The following PROM2 variants were observed in gnomAD, a reference collection of about 807,000 sequenced individuals.
The protein encoded by PROM2 is prominin 2.
A neutral mutation model predicts 110.2 loss-of-function variants in PROM2; 90 were observed. That is an observed-to-expected ratio of 0.82 (90% CI 0.69 to 0.97). The LOEUF (loss-of-function observed/expected upper bound fraction) is 0.97, where lower values mean the gene tolerates loss of function less well. Among genes scored for constraint, PROM2 ranks in the 50% least tolerant of loss-of-function variants. The pLI is 0.00. For synonymous variants in PROM2, 470 were observed against 467.8 expected (o/e 1.00, Z -0.06); for missense variants, 1,009 against 1,074.8 (o/e 0.94, Z 0.86).
chr2:95,287,257 T>G, intron 19 of PROM2, 44 bp downstream of exon 19: 1 of 1,598,330 alleles, frequency 6.3e-7, no homozygotes, highest in Non-Finnish European at 8.6e-7. Flanking sequence ...ACCCCAGGCT[T>G]CTCCAGTCCC....
chr2:95,285,827 G>T (rs1677325111), intron 16 of PROM2, 117 bp downstream of exon 16: 2 of 951,866 alleles, frequency 2.1e-6, no homozygotes, highest in Non-Finnish European at 3.2e-6. Context: ...CACCAGTGAG[G>T]CCTGAGGCTC....
chr2:95,289,043 A>G, intron 23 of PROM2, 37 bp downstream of exon 23: 2 of 866,022 alleles, frequency 2.3e-6, no homozygotes, highest in Middle Eastern at 2.5e-4. Flanking sequence ...GCTCCCTGCC[A>G]GGGATTAAGG....
In PROM2 at chr2:95,290,310, C is replaced by A. The variant is rs1677623757; in HGVS notation, c.*1097C>A. On this transcript the variant is annotated 3_prime_UTR_variant, in exon 24 of 24. Coordinates refer to ENST00000317620, the MANE Select transcript of PROM2 (RefSeq NM_001165978.3). ...CCTCAGATCCATTAAAGTGTTCTCACTTCCCTGAGACTTGGTTCTGGGTCC... is the reference window on the plus strand; with the variant it reads ...CCTCAGATCCATTAAAGTGTTCTCAATTCCCTGAGACTTGGTTCTGGGTCC... 6.6e-6 allele frequency: 1 copy of A among 152,282 alleles called. No individual in the cohort carries two copies. The highest frequency in any genetic ancestry group is 2.4e-5 in the African/African-American group (1 of 41,464). The allele number at this position is 152,282 out of a possible 1,614,324, so 9.4% of individuals were successfully genotyped here. A position where few individuals can be genotyped will look rare whatever the true frequency, so the allele number is the denominator to read the frequency against.
chr2:95,276,366 C>T lies in PROM2; in HGVS notation c.618+19C>T. 1.2e-6 allele frequency: 2 copies of T among 1,611,506 alleles called. No individual in the cohort carries two copies. The highest frequency in any genetic ancestry group is 1.7e-6 in the Non-Finnish European group (2 of 1,178,884). On this transcript the variant is annotated intron_variant, in intron 4 of 23. Transcript: ENST00000317620. This position sits in a 1 kb window ranked among gnomAD's most constrained non-coding sequence, Gnocchi z 4.6. ...CCCCCAAGTGAGCACTGTTACCCCT[C>T]ACCCTCATGTGCCCCTGTGAGCACT...
At chr2:95,284,863 A>C in intron 14 of PROM2, 106 bp from the exon 15 acceptor site, 3 of 1,288,340 alleles carry the variant, frequency 2.3e-6, no homozygotes, top group Non-Finnish European at 3.1e-6. Flanking sequence ...TGGAGGGGAC[A>C]AATATCCAAA....
intron 9 of PROM2, 82 bp downstream of exon 9, chr2:95,278,866 T>A: frequency 6.2e-7 from 1 of 1,606,930 alleles, no homozygotes. Context: ...GAGAGAGGAC[T>A]GGGGTGGCGG....
Position 95,279,887 on chromosome 2 carries a change from G to C in PROM2, c.1317G>C (p.Val439=). Residue 439 remains valine (V), a synonymous_variant, in exon 11 of 24, where the codon GTG becomes GTC. Transcript: ENST00000317620. ...TGCTGTGCTCCGTGGTCCTATTCGT[G>C]GTGCTCTGCAACCTGCTGGGCCTCA... is the stretch of plus-strand genomic sequence containing the variant. ...GCVLCSVVLF[V]VLCNLLGLNL... 2 of 1,552,410 alleles carry C rather than the reference G, an allele frequency of 1.3e-6. No individual in the cohort carries two copies. Among genetic ancestry groups the C allele is most frequent in the South Asian group, 2.4e-5 (2 of 82,838 alleles).
Position 95,287,176 on chromosome 2 carries a change from G to C in PROM2, c.2138G>C (p.Gly713Ala), listed in dbSNP as rs1292550909. ...DVLANVTYLK[G>A]ELPAWAARIL... Reference sequence around the variant, plus strand: ...CTAGCCAATGTCACCTACCTGAAAGGAGAGCTGCCTGCCTGGGCAGCCAGG... The same window carrying C: ...CTAGCCAATGTCACCTACCTGAAAGCAGAGCTGCCTGCCTGGGCAGCCAGG... Residue 713 changes from glycine (G) to alanine (A), a missense_variant, in exon 19 of 24, where the codon GGA becomes GCA. Transcript: ENST00000317620. 1 of 1,613,894 alleles carries C rather than the reference G, an allele frequency of 6.2e-7. No individual in the cohort carries two copies. Among genetic ancestry groups the C allele is most frequent in the Non-Finnish European group, 8.5e-7 (1 of 1,180,018 alleles).
chr2:95,288,412 C>G (rs761641190), intron 21 of PROM2, 71 bp from the exon 22 acceptor site: 4 of 1,587,270 alleles, frequency 2.5e-6, no homozygotes, highest in Non-Finnish European at 3.5e-6. Context: ...TGCCCCGGCT[C>G]TGATGACAAG....
chr2:95,276,168 G>T lies in PROM2; in HGVS notation c.497+36G>T. ...GCCCAGGGCCCGGGTAGGGCGGGCT[G>T]TGGCCCCCAGGCTCCCTCTTACCCA... On this transcript the variant is annotated intron_variant, in intron 3 of 23. Transcript: ENST00000317620. This position sits in a 1 kb window ranked among gnomAD's most constrained non-coding sequence, Gnocchi z 4.6. 1 of 1,612,214 alleles carries T rather than the reference G, an allele frequency of 6.2e-7. No homozygotes were observed. The highest frequency in any genetic ancestry group is 8.5e-7 in the Non-Finnish European group (1 of 1,178,912).
In PROM2 at chr2:95,275,971, C is replaced by T. The variant is rs544194496; in HGVS notation, c.336C>T (p.Ile112=). ...CGGGCTACGTGGTATGCGCTGTGAT[C>T]GCGGGCCTCTACCTGCTGCTGGTGC... ...YEAGYVVCAV[I]AGLYLLLVPT... Residue 112 remains isoleucine, a synonymous_variant, in exon 3 of 24, where the codon ATC becomes ATT. Coordinates refer to ENST00000317620, the MANE Select transcript of PROM2 (RefSeq NM_001165978.3). The surrounding 1 kb of genome is among the most constrained non-coding windows in gnomAD (Gnocchi z 4.4). The T allele has an allele frequency of 2.9e-5, 46 of 1,612,332 alleles. No individual in the cohort carries two copies. Among genetic ancestry groups the T allele is most frequent in the Admixed American group, 1.0e-4 (6 of 59,972 alleles).
At chr2:95,288,382 G>A (rs1009481905) in intron 21 of PROM2, 82 bp downstream of exon 21, 12 of 1,587,598 alleles carry the variant, frequency 7.6e-6, no homozygotes, top group Admixed American at 1.7e-5. Flanking sequence ...TGAGCAGGGT[G>A]TGAAGCCAGG....
In PROM2 at chr2:95,276,268, A is replaced by G. The variant is rs760700739; in HGVS notation, c.539A>G (p.His180Arg). The G allele has an allele frequency of 1.1e-5, 18 of 1,613,896 alleles. No individual in the cohort carries two copies. The highest frequency in any genetic ancestry group is 2.2e-5 in the South Asian group (2 of 91,086). Residue 180 changes from histidine (H) to arginine (R), a missense_variant, in exon 4 of 24, where the codon CAT becomes CGT. Coordinates refer to ENST00000317620, the MANE Select transcript of PROM2 (RefSeq NM_001165978.3). This position sits in a 1 kb window ranked among gnomAD's most constrained non-coding sequence, Gnocchi z 4.6. ...GCCTTTGTCACCAACCAGCGCACGC[A>G]TGAACAGATGGGCCCCAGCATCGAG... ...VCAFVTNQRT[H>R]EQMGPSIEAM...
At chr2:95,278,282 G>A in intron 8 of PROM2, 1 of 560,278 alleles carries the variant, frequency 1.8e-6, no homozygotes, top group Non-Finnish European at 3.2e-6. Flanking sequence ...GGGTGGAGAT[G>A]GGCCAAGGGG....
In PROM2 at chr2:95,276,605, C is replaced by T. The variant is rs182782637; in HGVS notation, c.630C>T (p.Ala210=). ...TTGTGTTTGCCTAGGAGCTGCAGGCCGTGGCACAGCAATTCTCCCTGCCCC... is the reference window on the plus strand; with the variant it reads ...TTGTGTTTGCCTAGGAGCTGCAGGCTGTGGCACAGCAATTCTCCCTGCCCC... ...LVSDVPQELQ[A]VAQQFSLPQE... The change falls in exon 5 of 24, where the codon GCC becomes GCT. Residue 210 remains alanine, a synonymous_variant. Coordinates refer to ENST00000317620, the MANE Select transcript of PROM2 (RefSeq NM_001165978.3). The surrounding 1 kb of genome is among the most constrained non-coding windows in gnomAD (Gnocchi z 4.6). The T allele has an allele frequency of 6.9e-5, 112 of 1,613,680 alleles. 1 individual carries two copies. In the East Asian group the frequency reaches 1.1e-3, roughly 16 times the overall value.
At position 95,274,719 on chromosome 2, in the gene PROM2, C is replaced by T. The variant is rs546884538; in HGVS notation, c.134C>T (p.Ala45Val). The T allele has an allele frequency of 6.7e-5, 108 of 1,612,532 alleles. No homozygotes were observed. In the East Asian group the frequency reaches 2.0e-3, roughly 30 times the overall value. Residue 45 changes from alanine (A) to valine (V), a missense_variant, in exon 1 of 24, where the codon GCC becomes GTC. Ala to Val is a moderately conservative substitution (Grantham distance 64). Transcript: ENST00000317620. Reference protein sequence around the residue: ...PAEHLTFTPAARARWLAPRVR... With the variant: ...PAEHLTFTPAVRARWLAPRVR... ...GAGCACCTGACATTCACCCCAGCAG[C>T]CAGGGCCCGGTGGCTGGCCCCTCGA...
In PROM2 at chr2:95,278,034, CCCTCA is replaced by C. The variant is rs775347799; in HGVS notation, c.1050+34_1050+38del. On this transcript the variant is annotated intron_variant, in intron 8 of 23. Coordinates refer to ENST00000317620, the MANE Select transcript of PROM2 (RefSeq NM_001165978.3). ...GAGCCACCTGGTCTGCCTGATTTCTCCCTCACCTGCCAAGTGAGGGCCTCTGTTTC... is the reference window on the plus strand; with the variant it reads ...GAGCCACCTGGTCTGCCTGATTTCTCCCTGCCAAGTGAGGGCCTCTGTTTC... 5 of 1,578,690 alleles carry C rather than the reference CCCTCA, an allele frequency of 3.2e-6. No homozygotes were observed. The Admixed American group carries it at 8.4e-5, about 27-fold the overall frequency.
intron 23 of PROM2, 93 bp downstream of exon 23, chr2:95,289,099 G>C: frequency 1.8e-6 from 2 of 1,082,886 alleles, no homozygotes; most frequent in South Asian, 2.6e-5. Context: ...CAGGGCCTAG[G>C]AGGGCAGGAA....
At chr2:95,278,055 C>A in intron 8 of PROM2, 51 bp downstream of exon 8, 1 of 1,448,624 alleles carries the variant, frequency 6.9e-7, no homozygotes, top group Non-Finnish European at 9.6e-7. Context: ...CAAGTGAGGG[C>A]CTCTGTTTCC....
Sources: allele counts gnomAD v4.1 joint callset, GRCh38; gene constraint gnomAD v4.1.1; non-coding constraint Gnocchi (gnomAD v3.1); transcripts MANE v1.5; gene names NCBI Gene and HGNC (gene_info 2026-07-23, HGNC 2026-07-21).